The following CDC5L variants were observed in gnomAD, a reference collection of about 807,000 sequenced individuals.
CDC5L encodes the protein cell division cycle 5-like protein.
CDC5L carries 18 observed loss-of-function variants against 104.1 expected under a neutral mutation model. The ratio of observed to expected loss-of-function variants is 0.17; its 90% CI spans 0.12 to 0.26. The LOEUF (loss-of-function observed/expected upper bound fraction) is 0.26. Ranked by LOEUF, CDC5L falls within the 10% of genes least tolerant of loss-of-function variation. The pLI, the probability that CDC5L is intolerant of heterozygous loss-of-function variation, is 1.00. For synonymous variants in CDC5L, 331 were observed against 322.7 expected (o/e 1.03, Z -0.28); for missense variants, 673 against 956.9 (o/e 0.70, Z 3.91).
At chr6:44,387,906 C>G (rs780305462) in intron 1 of CDC5L, 38 bp downstream of exon 1, 1 of 1,550,146 alleles carries the variant, frequency 6.5e-7, no homozygotes, top group African/African-American at 1.4e-5. Flanking sequence ...GCCCGCCGCT[C>G]CCTCTAGCAG....
At chr6:44,406,177 C>T (rs531231120) in intron 6 of CDC5L, 146 bp from the exon 7 acceptor site, 262 of 589,350 alleles carry the variant, frequency 4.4e-4, no homozygotes, top group Non-Finnish European at 6.8e-4. Flanking sequence ...GCTGGGATTA[C>T]AGGCGTGAGC....
intron 2 of CDC5L, among the ~76,000 whole-genome samples, chr6:44,391,007 TA>T: frequency 8.7e-6 from 1 of 115,450 alleles, no homozygotes; most frequent in African/African-American, 3.0e-5. Context: ...TTTAATATGT[TA>T]TATATTATAT....
At chr6:44,397,968 TA>T (rs1452386224) in intron 5 of CDC5L, among the ~76,000 whole-genome samples, 1 of 152,182 alleles carries the variant, frequency 6.6e-6, no homozygotes, top group Non-Finnish European at 1.5e-5. Context: ...GGCCCTAGAA[TA>T]ACCTCCCTAT....
intron 9 of CDC5L, among the ~76,000 whole-genome samples, chr6:44,422,034 A>G (rs1792207921): frequency 6.6e-6 from 1 of 152,196 alleles, no homozygotes; most frequent in Non-Finnish European, 1.5e-5. Flanking sequence ...ACCAGGAAAA[A>G]AAAAGACTTT....
At chr6:44,417,580 A>G (rs1791962151) in intron 8 of CDC5L, among the ~76,000 whole-genome samples, 1 of 152,190 alleles carries the variant, frequency 6.6e-6, no homozygotes, top group Non-Finnish European at 1.5e-5. Flanking sequence ...GGTTGTGACC[A>G]TCTTTGGAAA....
intron 5 of CDC5L, among the ~76,000 whole-genome samples, chr6:44,401,458 A>G (rs1397378066): frequency 6.6e-6 from 1 of 152,022 alleles, no homozygotes; most frequent in Non-Finnish European, 1.5e-5. Context: ...TCTTGATGGA[A>G]CTTTGCCACC....
At chr6:44,424,667 C>T (rs1270111166) in intron 11 of CDC5L, 84 bp downstream of exon 11, 21 of 1,313,790 alleles carry the variant, frequency 1.6e-5, no homozygotes, top group Non-Finnish European at 2.2e-5. Flanking sequence ...TTAAATGTCC[C>T]AAGATCTCTA....
At chr6:44,396,292 A>G (rs1790867057) in intron 4 of CDC5L, 49 bp from the exon 5 acceptor site, 1 of 1,223,122 alleles carries the variant, frequency 8.2e-7, no homozygotes, top group African/African-American at 1.5e-5. Flanking sequence ...CTTCTAGAGT[A>G]TGTAAGAACT....
chr6:44,430,838 T>A (rs1474724377), intron 14 of CDC5L, among the ~76,000 whole-genome samples: 3 of 152,198 alleles, frequency 2.0e-5, no homozygotes, highest in Non-Finnish European at 4.4e-5. Context: ...CCCAAAGTGC[T>A]GGGATTACAG....
chr6:44,411,341 G>A (rs1266957875), intron 8 of CDC5L, among the ~76,000 whole-genome samples: 4 of 151,990 alleles, frequency 2.6e-5, no homozygotes, highest in African/African-American at 9.7e-5. Flanking sequence ...AGTGTTAGTT[G>A]TTTTTGCTTA....
At chr6:44,434,089 T>C (rs552150650) in intron 14 of CDC5L, among the ~76,000 whole-genome samples, 1 of 152,334 alleles carries the variant, frequency 6.6e-6, no homozygotes, top group Non-Finnish European at 1.5e-5. Context: ...ATGACCCTTA[T>C]AGGCACTGAC....
intron 1 of CDC5L, among the ~76,000 whole-genome samples, chr6:44,388,199 C>G (rs1790438207): frequency 7.1e-6 from 1 of 140,458 alleles, no homozygotes; most frequent in South Asian, 2.4e-4. Context: ...CCAACTCAGC[C>G]AGAGTTGGTC....
intron 1 of CDC5L, among the ~76,000 whole-genome samples, chr6:44,389,941 A>G (rs2153373084): frequency 6.6e-6 from 1 of 152,284 alleles, no homozygotes; most frequent in East Asian, 1.9e-4. Flanking sequence ...GAAGAGAAGG[A>G]CAGCCACACG....
chr6:44,387,941 G>A, intron 1 of CDC5L, 73 bp downstream of exon 1: 3 of 1,431,304 alleles, frequency 2.1e-6, no homozygotes, highest in South Asian at 1.3e-5. Context: ...CGCGGAGGTC[G>A]GGGGGGCGAC....
At chr6:44,397,202 A>C (rs140404145) in intron 5 of CDC5L, among the ~76,000 whole-genome samples, 384 of 152,346 alleles carry the variant, frequency 2.5e-3, no homozygotes, top group African/African-American at 8.7e-3. Context: ...ACTCATTAAC[A>C]TGCAGAAAGA....
chr6:44,419,261 T>C (rs1792052302), intron 8 of CDC5L, among the ~76,000 whole-genome samples, 188 bp from the exon 9 acceptor site: 1 of 152,190 alleles, frequency 6.6e-6, no homozygotes, highest in South Asian at 2.1e-4. Context: ...TAATGTGATG[T>C]GTTAGATTGA....
Position 44,408,647 on chromosome 6 carries a change from A to G in CDC5L, c.1092+15A>G, listed in dbSNP as rs370507115. ...GAATTCTGCAGGTAACGTGTCACGTAGTAGAATGAGGCTTTTACTTTGTTT... is the reference window on the plus strand; with the variant it reads ...GAATTCTGCAGGTAACGTGTCACGTGGTAGAATGAGGCTTTTACTTTGTTT... On this transcript the variant is annotated intron_variant, in intron 8 of 15. Transcript: ENST00000371477. 6 of 1,561,724 alleles carry G rather than the reference A, an allele frequency of 3.8e-6. No individual in the cohort carries two copies. Among genetic ancestry groups the G allele is most frequent in the Non-Finnish European group, 5.2e-6 (6 of 1,145,062 alleles).
intron 8 of CDC5L, among the ~76,000 whole-genome samples, chr6:44,418,763 C>A (rs1792016838): frequency 6.6e-6 from 1 of 151,626 alleles, no homozygotes; most frequent in African/African-American, 2.4e-5. Context: ...AGCATTTTTT[C>A]ATGTGTTTTT....
rs762504776 is a variant in CDC5L, at chr6:44,406,315, C to T, written c.759-8C>T. The T allele has an allele frequency of 4.4e-6, 7 of 1,591,986 alleles. No homozygotes were observed. The highest frequency in any genetic ancestry group is 6.0e-6 in the Non-Finnish European group (7 of 1,166,568). On this transcript the variant is annotated splice_polypyrimidine_tract_variant and splice_region_variant and intron_variant, in intron 6 of 15. Transcript: ENST00000371477. ...TAAAAATCTCTTTTCTACTTTGATC[C>T]ATGACAGTGAAAAAGAAGGAAGAGA... is the stretch of plus-strand genomic sequence containing the variant.
Sources: allele counts gnomAD v4.1 joint callset (sites outside exome capture counted in the v4.1 genomes callset), GRCh38; gene constraint gnomAD v4.1.1; transcripts MANE v1.5; gene names NCBI Gene and HGNC (gene_info 2026-07-23, HGNC 2026-07-21).